GALNT17: variants seen among roughly 807,000 people sequenced by gnomAD.
GALNT17 encodes the protein UDP-GalNAc:polypeptide N-acetylgalactosaminyltransferase-like 3.
Under a neutral mutation model 63.7 loss-of-function variants are expected in GALNT17, and 29 were observed. That is an observed-to-expected ratio of 0.46 (90% CI 0.34 to 0.62). GALNT17 has a LOEUF of 0.62. GALNT17 is among the 20% of genes least tolerant of loss of function. The probability of loss-of-function intolerance (pLI) is 0.01; values close to 1 mark genes in which losing one functional copy is unlikely to be tolerated. For synonymous variants in GALNT17, 305 were observed against 318.3 expected (o/e 0.96, Z 0.45); for missense variants, 603 against 799.6 (o/e 0.75, Z 2.97).
chr7:71,333,031 TAC>T (rs1247525494), intron 1 of GALNT17, among the ~76,000 whole-genome samples: 1 of 152,226 alleles, frequency 6.6e-6, no homozygotes, highest in Non-Finnish European at 1.5e-5. Context: ...TTTAAAAGCG[TAC>T]AGTTTAGTGG....
At chr7:71,681,982 A>G (rs1185236033) in intron 9 of GALNT17, among the ~76,000 whole-genome samples, 3 of 152,016 alleles carry the variant, frequency 2.0e-5, no homozygotes, top group African/African-American at 7.2e-5. Context: ...GCTGGAGTGC[A>G]ATGGCGCGAT....
intron 1 of GALNT17, among the ~76,000 whole-genome samples, chr7:71,259,314 T>C (rs1014833147): frequency 6.6e-6 from 1 of 152,250 alleles, no homozygotes; most frequent in African/African-American, 2.4e-5. Flanking sequence ...GATGGCACTT[T>C]CCTGTTTCAT....
At chr7:71,227,564 G>A (rs1789704079) in intron 1 of GALNT17, among the ~76,000 whole-genome samples, 1 of 151,652 alleles carries the variant, frequency 6.6e-6, no homozygotes, top group Admixed American at 6.6e-5. Context: ...ATGTTTTTTT[G>A]GCGAGAGACC....
At chr7:71,588,997 C>A (rs890866871) in intron 6 of GALNT17, among the ~76,000 whole-genome samples, 25 of 152,036 alleles carry the variant, frequency 1.6e-4, no homozygotes, top group African/African-American at 5.8e-4. Flanking sequence ...AATACGGGGC[C>A]CTTAAAAAGC....
rs938974214 is a variant in GALNT17 at position 71,277,314 on chromosome 7, G to A, written c.239-58236G>A. ...GGTACACTCGCATAGACATAAAGAT[G>A]GAAATGATAGACACTGGGGACTATA... On this transcript the variant is annotated intron_variant, in intron 1 of 10. Transcript: ENST00000333538. 6.6e-5 allele frequency among the ~76,000 whole-genome samples: 10 copies of A among 152,090 alleles called. No homozygotes were observed. The East Asian group carries it at 7.7e-4, about 12-fold the overall frequency.
intron 6 of GALNT17, among the ~76,000 whole-genome samples, chr7:71,616,387 T>C (rs1309711916): frequency 6.6e-6 from 1 of 151,742 alleles, no homozygotes; most frequent in Non-Finnish European, 1.5e-5. Flanking sequence ...CTGGCCAGTC[T>C]TCTTCCTTTC....
At chr7:71,474,027 T>C (rs1350080787) in intron 5 of GALNT17, among the ~76,000 whole-genome samples, 1 of 152,192 alleles carries the variant, frequency 6.6e-6, no homozygotes, top group Non-Finnish European at 1.5e-5. Flanking sequence ...GATTATATGC[T>C]AAACAAGGTG....
chr7:71,150,977 C>CA (rs34934868), intron 1 of GALNT17, among the ~76,000 whole-genome samples: 1,034 of 102,968 alleles, frequency 0.01, 8 homozygotes, highest in East Asian at 0.034. Context: ...ACCCTGACTT[C>CA]AAAAAAAAAA....
intron 6 of GALNT17, among the ~76,000 whole-genome samples, chr7:71,618,212 ACCATTAATGGGCT>A (rs1186256588): frequency 2.0e-5 from 3 of 151,968 alleles, no homozygotes; most frequent in Admixed American, 6.6e-5. Flanking sequence ...CCTTTATTCT[ACCATTAATGGGCT>A]CTTGGGTTGA....
At chr7:71,171,879 T>C (rs1482993168) in intron 1 of GALNT17, among the ~76,000 whole-genome samples, 1 of 152,128 alleles carries the variant, frequency 6.6e-6, no homozygotes, top group Non-Finnish European at 1.5e-5. Context: ...ACAACTTGAG[T>C]GAAAGTTTCT....
chr7:71,482,150 A>T (rs75275024), intron 5 of GALNT17, among the ~76,000 whole-genome samples: 54 of 128,506 alleles, frequency 4.2e-4, no homozygotes, highest in African/African-American at 6.9e-4. Flanking sequence ...ACAAGGATAC[A>T]TTTTTTTTTT....
At chr7:71,616,334 C>T (rs1790202623) in intron 6 of GALNT17, among the ~76,000 whole-genome samples, 1 of 151,988 alleles carries the variant, frequency 6.6e-6, no homozygotes, top group Non-Finnish European at 1.5e-5. Context: ...TCCTCACTCG[C>T]TCCTCAACCT....
chr7:71,416,991 T>C (rs1786545314), intron 4 of GALNT17, among the ~76,000 whole-genome samples: 1 of 152,146 alleles, frequency 6.6e-6, no homozygotes, highest in South Asian at 2.1e-4. Flanking sequence ...CATGTTAAAA[T>C]TGGAATAGGA....
chr7:71,424,984 A>G (rs1053017215), intron 5 of GALNT17, among the ~76,000 whole-genome samples: 3 of 152,170 alleles, frequency 2.0e-5, no homozygotes, highest in South Asian at 2.1e-4. Flanking sequence ...GTTTCTTTCT[A>G]TATATTAATA....
intron 5 of GALNT17, among the ~76,000 whole-genome samples, chr7:71,553,152 T>C (rs1720219510): frequency 6.6e-6 from 1 of 151,800 alleles, no homozygotes; most frequent in Admixed American, 6.6e-5. Context: ...TAGCAAGACT[T>C]TCTCTCTTAA....
At chr7:71,185,062 T>C (rs1210465597) in intron 1 of GALNT17, among the ~76,000 whole-genome samples, 16 of 131,442 alleles carry the variant, frequency 1.2e-4, no homozygotes, top group East Asian at 9.3e-4. Context: ...TCCTCCTCCT[T>C]CTGCTTCTTT....
At chr7:71,287,914 T>C (rs918403659) in intron 1 of GALNT17, among the ~76,000 whole-genome samples, 4 of 151,766 alleles carry the variant, frequency 2.6e-5, no homozygotes, top group Admixed American at 6.6e-5. Flanking sequence ...TAGCTGGGCG[T>C]GGTGGTGCGC....
chr7:71,254,503 T>C (rs1790255498), intron 1 of GALNT17, among the ~76,000 whole-genome samples: 1 of 152,220 alleles, frequency 6.6e-6, no homozygotes, highest in East Asian at 1.9e-4. Flanking sequence ...ATCTATCATG[T>C]TGGTATCTTA....
intron 1 of GALNT17, among the ~76,000 whole-genome samples, chr7:71,322,445 T>C (rs1791635100): frequency 6.6e-6 from 1 of 152,152 alleles, no homozygotes; most frequent in African/African-American, 2.4e-5. Flanking sequence ...ATGATTCATA[T>C]CTCTTGGAAC....
Sources: allele counts gnomAD v4.1 joint callset (sites outside exome capture counted in the v4.1 genomes callset), GRCh38; gene constraint gnomAD v4.1.1; transcripts MANE v1.5; gene names NCBI Gene and HGNC (gene_info 2026-07-23, HGNC 2026-07-21).